The following ATP10B variants were observed in gnomAD, a reference collection of about 807,000 sequenced individuals.
ATP10B encodes the protein phospholipid-transporting ATPase VB.
A neutral mutation model predicts 141.2 loss-of-function variants in ATP10B; 122 were observed. The ratio of observed to expected loss-of-function variants is 0.86; its 90% CI spans 0.75 to 1.00. ATP10B has a LOEUF of 1.00. Among genes scored for constraint, ATP10B ranks in the 50% least tolerant of loss-of-function variants. The pLI, the probability that ATP10B is intolerant of heterozygous loss-of-function variation, is 0.00. For missense variants in ATP10B, 1,876 were observed against 1,825.3 expected, an observed-to-expected ratio of 1.03 and a Z score of -0.51; for synonymous variants, 685 against 692.0, an observed-to-expected ratio of 0.99 and a Z score of 0.16.
chr5:160,703,311 G>T (rs1326291660), intron 3 of ATP10B, among the ~76,000 whole-genome samples: 1 of 152,082 alleles, frequency 6.6e-6, no homozygotes, highest in Non-Finnish European at 1.5e-5. Context: ...GCATAGAAAA[G>T]CTATGTTTTA....
At chr5:160,677,105 G>T (rs984521139) in intron 6 of ATP10B, among the ~76,000 whole-genome samples, 1 of 152,180 alleles carries the variant, frequency 6.6e-6, no homozygotes, top group Non-Finnish European at 1.5e-5. Context: ...CAAAACAGAG[G>T]CCATAAATCC....
the ATP10B span, among the ~76,000 whole-genome samples, chr5:160,902,237 A>G: frequency 1.3e-5 from 2 of 152,242 alleles, no homozygotes; most frequent in Non-Finnish European, 2.9e-5. Flanking sequence ...CCTTGTAAAA[A>G]GAAAATTTAG....
At chr5:160,622,369 T>TC (rs1313481453) in intron 14 of ATP10B, 25 bp downstream of exon 14, 1 of 1,589,910 alleles carries the variant, frequency 6.3e-7, no homozygotes, top group Non-Finnish European at 8.6e-7. Flanking sequence ...TTTACCCTCC[T>TC]CCCCCAGCCA....
the ATP10B span, among the ~76,000 whole-genome samples, chr5:160,895,293 T>C: frequency 3.3e-5 from 5 of 152,230 alleles, no homozygotes; most frequent in South Asian, 1.0e-3. Flanking sequence ...ATCAGCGTGC[T>C]GTATTCAGGA....
intron 3 of ATP10B, among the ~76,000 whole-genome samples, chr5:160,696,301 G>A (rs936447020): frequency 2.6e-5 from 4 of 151,822 alleles, no homozygotes; most frequent in Admixed American, 6.6e-5. Context: ...GTAGAGACAC[G>A]GTTTCCCATT....
chr5:160,686,302 C>A, intron 5 of ATP10B, 29 bp from the exon 6 acceptor site: 1 of 1,493,654 alleles, frequency 6.7e-7, no homozygotes, highest in South Asian at 1.4e-5. Context: ...TGTGAATAAA[C>A]ACTATGGAGA....
At chr5:160,577,328 A>T (rs923428861) in intron 24 of ATP10B, among the ~76,000 whole-genome samples, 1 of 152,154 alleles carries the variant, frequency 6.6e-6, no homozygotes, top group African/African-American at 2.4e-5. Flanking sequence ...TCATTTGGTC[A>T]CAGGGCACTG....
rs142949742 is a variant in ATP10B, at chr5:160,815,341, G to A, written c.-575-29538C>T. Among the ~76,000 whole-genome samples the A allele has an allele frequency of 7.0e-3, 1,065 of 152,108 alleles. 18 individuals carry two copies. Among genetic ancestry groups the A allele is most frequent in the African/African-American group, 0.024 (1,002 of 41,496 alleles). On this transcript the variant is annotated intron_variant, in intron 1 of 25. Transcript: ENST00000327245. Reference sequence around the variant, plus strand: ...AAAAAAAAGCAGCAGTTGCAATCCTGGTCTCTGATAAAACAGACTTTAAAT... The same window carrying A: ...AAAAAAAAGCAGCAGTTGCAATCCTAGTCTCTGATAAAACAGACTTTAAAT...
Position 160,742,671 on chromosome 5 carries a change from A to G in ATP10B, c.-330-25637T>C, listed in dbSNP as rs141894104. Among the ~76,000 whole-genome samples the G allele has an allele frequency of 1.9e-3, 284 of 152,290 alleles. 2 individuals are homozygous for G. The highest frequency in any genetic ancestry group is 3.3e-3 in the Non-Finnish European group (225 of 68,030). ...ATGAGGGCAGTGTCTACTTCTGGAA[A>G]AGGAAAGCTGAATAGAGCAGGGGAG... On this transcript the variant is annotated intron_variant, in intron 2 of 25. Coordinates refer to ENST00000327245, the MANE Select transcript of ATP10B (RefSeq NM_025153.3).
chr5:160,916,610 G>T, the ATP10B span, among the ~76,000 whole-genome samples: 2 of 152,182 alleles, frequency 1.3e-5, no homozygotes, highest in African/African-American at 2.4e-5. Context: ...GGAGGTAAGT[G>T]CTCCTTTATC....
At chr5:160,566,911 T>A (rs1256038165) in intron 25 of ATP10B, among the ~76,000 whole-genome samples, 4 of 152,198 alleles carry the variant, frequency 2.6e-5, no homozygotes, top group African/African-American at 7.2e-5. Flanking sequence ...TCTTCCACTA[T>A]GTCTAAAAGC....
chr5:160,756,058 T>C (rs1768576940), intron 2 of ATP10B, among the ~76,000 whole-genome samples: 1 of 151,398 alleles, frequency 6.6e-6, no homozygotes, highest in Non-Finnish European at 1.5e-5. Context: ...GCTTCTATTT[T>C]CCCTTTTATA....
intron 1 of ATP10B, among the ~76,000 whole-genome samples, chr5:160,848,831 G>A (rs758890577): frequency 1.2e-4 from 18 of 152,158 alleles, no homozygotes; most frequent in Non-Finnish European, 2.2e-4. Flanking sequence ...GATATAATAC[G>A]TGAGTATCAC....
the ATP10B span, among the ~76,000 whole-genome samples, chr5:160,882,334 G>A: frequency 2.1e-3 from 325 of 152,312 alleles, no homozygotes; most frequent in African/African-American, 7.5e-3. Context: ...TTGATAATGG[G>A]AGAGGCCAGG....
At chr5:160,617,791 G>T in intron 16 of ATP10B, 73 bp downstream of exon 16, 6 of 1,294,860 alleles carry the variant, frequency 4.6e-6, no homozygotes, top group South Asian at 1.2e-5. Flanking sequence ...CTTTTATAAA[G>T]AAAAAGAAGC....
intron 2 of ATP10B, among the ~76,000 whole-genome samples, chr5:160,726,077 G>A (rs1232050350): frequency 2.0e-5 from 3 of 152,144 alleles, no homozygotes; most frequent in African/African-American, 7.2e-5. Flanking sequence ...ATTCTAGGAA[G>A]CATCAGGAAA....
chr5:160,928,648 A>ATAAGCTCTCACCATTTTGCATGCTTC, the ATP10B span, among the ~76,000 whole-genome samples: 2 of 152,208 alleles, frequency 1.3e-5, no homozygotes, highest in African/African-American at 2.4e-5. Context: ...CATGCTTTGC[A>ATAAGCTCTCACCATTTTGCATGCTTC]AATCATAAGG....
At chr5:160,890,048 T>C in the ATP10B span, among the ~76,000 whole-genome samples, 3 of 152,208 alleles carry the variant, frequency 2.0e-5, no homozygotes, top group Non-Finnish European at 4.4e-5. Context: ...CCTGGCAATG[T>C]GGTGCTTTTC....
At chr5:160,921,961 A>C in the ATP10B span, among the ~76,000 whole-genome samples, 18 of 152,246 alleles carry the variant, frequency 1.2e-4, no homozygotes, top group African/African-American at 4.1e-4. Context: ...AAGAAGAATA[A>C]AGGCCTAGGC....
Sources: allele counts gnomAD v4.1 joint callset (sites outside exome capture counted in the v4.1 genomes callset), GRCh38; gene constraint gnomAD v4.1.1; transcripts MANE v1.5; gene names NCBI Gene and HGNC (gene_info 2026-07-23, HGNC 2026-07-21).